The following ARHGEF26 variants were observed in gnomAD, a reference collection of about 807,000 sequenced individuals.
ARHGEF26 encodes Rho guanine nucleotide exchange factor (GEF) 26.
A neutral mutation model predicts 89.4 loss-of-function variants in ARHGEF26; 59 were observed. The ratio of observed to expected loss-of-function variants is 0.66; its 90% CI spans 0.54 to 0.82. The LOEUF is 0.82. Among genes scored for constraint, ARHGEF26 ranks in the 40% least tolerant of loss-of-function variants. The pLI, the probability that ARHGEF26 is intolerant of heterozygous loss-of-function variation, is 0.00. For synonymous variants in ARHGEF26, 500 were observed against 428.4 expected (o/e 1.17, Z -2.06); for missense variants, 1,234 against 1,085.6 (o/e 1.14, Z -1.92).
chr3:154,137,414 T>A (rs1168668987), intron 4 of ARHGEF26, among the ~76,000 whole-genome samples: 1 of 152,174 alleles, frequency 6.6e-6, no homozygotes, highest in Admixed American at 6.5e-5. Flanking sequence ...TTAGCCTCTA[T>A]AACTGTAGGA....
chr3:154,134,064 G>GA (rs1553783109), intron 4 of ARHGEF26, among the ~76,000 whole-genome samples: 1 of 152,076 alleles, frequency 6.6e-6, no homozygotes, highest in African/African-American at 2.4e-5. Flanking sequence ...CTTTGCTGAA[G>GA]TTTTTTTTAT....
rs1718471256 is a variant in ARHGEF26, at chr3:154,255,939, T to C, written c.*466T>C. On this transcript the variant is annotated 3_prime_UTR_variant, in exon 15 of 15. Coordinates refer to ENST00000465093, the MANE Select transcript of ARHGEF26 (RefSeq NM_015595.4). ...TATTTCCCTGCCTTTTTTTTTCTTT[T>C]TTTACATCTGATTTTAATGCTTCGT... The C allele has an allele frequency of 1.2e-5, 12 of 986,864 alleles. No individual in the cohort carries two copies. The highest frequency in any genetic ancestry group is 1.7e-5 in the African/African-American group (1 of 57,368). 61.1% of individuals were successfully genotyped at this position (986,864 alleles called of 1,614,324 possible). A position where few individuals can be genotyped will look rare whatever the true frequency, so the allele number is the denominator to read the frequency against.
At chr3:154,254,883 C>G in intron 14 of ARHGEF26, 59 bp downstream of exon 14, 5 of 1,391,186 alleles carry the variant, frequency 3.6e-6, no homozygotes, top group Admixed American at 3.6e-5. Context: ...GCTATAGACC[C>G]GAGGAGTGTC....
chr3:154,195,331 G>C (rs1369261457), intron 9 of ARHGEF26, among the ~76,000 whole-genome samples: 1 of 152,184 alleles, frequency 6.6e-6, no homozygotes, highest in Non-Finnish European at 1.5e-5. Context: ...CAGCACTAGG[G>C]AACCAGCTGT....
intron 8 of ARHGEF26, among the ~76,000 whole-genome samples, chr3:154,193,079 C>CTA (rs1207765802): frequency 6.6e-6 from 1 of 151,996 alleles, no homozygotes; most frequent in Non-Finnish European, 1.5e-5. Flanking sequence ...CTGAGTAAAG[C>CTA]TATAGCTTTT....
chr3:154,129,976 C>T (rs564825072), intron 4 of ARHGEF26, among the ~76,000 whole-genome samples: 2 of 152,228 alleles, frequency 1.3e-5, no homozygotes, highest in African/African-American at 4.8e-5. Context: ...GAAACTCTTT[C>T]TGCGAGATCT....
At chr3:154,231,771 G>C (rs149538282) in intron 11 of ARHGEF26, among the ~76,000 whole-genome samples, 2 of 152,116 alleles carry the variant, frequency 1.3e-5, no homozygotes, top group Non-Finnish European at 2.9e-5. Flanking sequence ...AGGAATAAAT[G>C]CCTTTAACTC....
rs1559920550 is a variant in ARHGEF26 at position 154,239,291 on chromosome 3, AGAGAGAGAGTGTGTGTGTGT to A, written c.2091-1077_2091-1058del. Among the ~76,000 whole-genome samples, 608 of 61,798 alleles carry A rather than the reference AGAGAGAGAGTGTGTGTGTGT, an allele frequency of 9.8e-3. 3 individuals are homozygous for A. The highest frequency in any genetic ancestry group is 0.035 in the Admixed American group (220 of 6,286). The allele number at this position is 61,798 out of a possible 152,430, so 40.5% of individuals were successfully genotyped here. A position where few individuals can be genotyped will look rare whatever the true frequency, so the allele number is the denominator to read the frequency against. ...GAGAGAGAGAGAGAGAGAGAGAGAG[AGAGAGAGAGTGTGTGTGTGT>A]GTGTGTGTGTGTGTGTGTGTGTGTG... On this transcript the variant is annotated intron_variant, in intron 11 of 14. Coordinates refer to ENST00000465093, the MANE Select transcript of ARHGEF26 (RefSeq NM_015595.4).
In ARHGEF26 at chr3:154,187,685, G is replaced by C. The variant is rs1713672606; in HGVS notation, c.1488G>C (p.Lys496Asn). 6 of 1,596,184 alleles carry C rather than the reference G, an allele frequency of 3.8e-6. No homozygotes were observed. Among genetic ancestry groups the C allele is most frequent in the Non-Finnish European group, 4.3e-6 (5 of 1,171,430 alleles). Residue 496 changes from lysine (K) to asparagine (N), a missense_variant and splice_region_variant, in exon 7 of 15, where the codon AAG (lysine) becomes AAC (asparagine). Coordinates refer to ENST00000465093, the MANE Select transcript of ARHGEF26 (RefSeq NM_015595.4). ...TTTTTTTTTCCCTTTGGTTTTTCAG[G>C]TTCTTTATAGAGTTGGAAGCAAGAC... is the stretch of plus-strand genomic sequence containing the variant. ...NITDVCEASK[K>N]FFIELEARHQ...
intron 9 of ARHGEF26, among the ~76,000 whole-genome samples, chr3:154,195,078 G>A (rs992889992): frequency 6.6e-6 from 1 of 152,166 alleles, no homozygotes; most frequent in Non-Finnish European, 1.5e-5. Flanking sequence ...CACTGTGCTC[G>A]TGGAATGTGC....
intron 12 of ARHGEF26, 21 bp from the exon 13 acceptor site, chr3:154,253,095 T>C (rs769215021): frequency 6.2e-7 from 1 of 1,613,588 alleles, no homozygotes; most frequent in Non-Finnish European, 8.5e-7. Context: ...GTCTCTCAGT[T>C]GGATCTGCCC....
At chr3:154,195,112 T>C (rs1035868635) in intron 9 of ARHGEF26, among the ~76,000 whole-genome samples, 1 of 152,174 alleles carries the variant, frequency 6.6e-6, no homozygotes, top group Non-Finnish European at 1.5e-5. Flanking sequence ...GGGCAGACAT[T>C]AAACAGAGTT....
At chr3:154,237,682 C>T (rs1389942459) in intron 11 of ARHGEF26, among the ~76,000 whole-genome samples, 2 of 152,136 alleles carry the variant, frequency 1.3e-5, no homozygotes, top group African/African-American at 2.4e-5. Flanking sequence ...ACAACATTTT[C>T]GAATTTGAGT....
intron 11 of ARHGEF26, among the ~76,000 whole-genome samples, chr3:154,229,502 T>C (rs1207587252): frequency 1.3e-5 from 2 of 152,218 alleles, no homozygotes; most frequent in Admixed American, 6.5e-5. Flanking sequence ...ATGAACACTT[T>C]GGTATTTGAA....
At chr3:154,183,981 T>TTTTTTTTC (rs1713340945) in intron 6 of ARHGEF26, among the ~76,000 whole-genome samples, 1 of 150,454 alleles carries the variant, frequency 6.6e-6, no homozygotes. Context: ...TTCTTTCTTT[T>TTTTTTTTC]TTTTTTTTTG....
chr3:154,246,980 T>G (rs1717835850), intron 12 of ARHGEF26, among the ~76,000 whole-genome samples: 1 of 152,298 alleles, frequency 6.6e-6, no homozygotes, highest in Non-Finnish European at 1.5e-5. Context: ...TTGGCGTGAC[T>G]TCTTCCTCTG....
Position 154,257,065 on chromosome 3 carries a change from GCTAA to G in ARHGEF26, c.*1596_*1599del, listed in dbSNP as rs1228018529. 6 of 1,345,738 alleles carry G rather than the reference GCTAA, an allele frequency of 4.5e-6. 1 individual carries two copies. The highest frequency in any genetic ancestry group is 3.5e-5 in the South Asian group (2 of 57,946). The allele number at this position is 1,345,738 out of a possible 1,614,324, so 83.4% of individuals were successfully genotyped here. Reference sequence around the variant, plus strand: ...ATGTGACATGTCCCAACTACTGTCCGCTAACTAGTTATCCAAATTGTAAAGCTAC... The same window carrying G: ...ATGTGACATGTCCCAACTACTGTCCGCTAGTTATCCAAATTGTAAAGCTAC... On this transcript the variant is annotated 3_prime_UTR_variant, in exon 15 of 15. Transcript: ENST00000465093.
intron 6 of ARHGEF26, among the ~76,000 whole-genome samples, chr3:154,169,299 G>A (rs542116239): frequency 3.0e-4 from 46 of 151,916 alleles, no homozygotes; most frequent in African/African-American, 1.1e-3. Context: ...TTACCTATTT[G>A]CTAAAATTTA....
At chr3:154,208,509 T>C (rs945154697) in intron 9 of ARHGEF26, among the ~76,000 whole-genome samples, 16 of 152,300 alleles carry the variant, frequency 1.1e-4, no homozygotes, top group African/African-American at 3.8e-4. Context: ...TTCTCTGTTA[T>C]ATCCCTTTGA....
Sources: gnomAD v4.1 joint callset for allele counts (sites outside exome capture counted in the v4.1 genomes callset) on GRCh38, gnomAD v4.1.1 for gene constraint, MANE v1.5 for transcripts, NCBI Gene and HGNC (gene_info 2026-07-23, HGNC 2026-07-21) for gene names.